HTR7: variants seen among roughly 807,000 people sequenced by gnomAD.
HTR7 encodes 5-hydroxytryptamine receptor 7.
HTR7 carries 16 observed loss-of-function variants against 34.0 expected under a neutral mutation model. The ratio of observed to expected loss-of-function variants is 0.47; its 90% CI spans 0.32 to 0.71. The LOEUF (loss-of-function observed/expected upper bound fraction) is 0.71, where lower values mean the gene tolerates loss of function less well. Ranked by LOEUF, HTR7 falls within the 30% of genes least tolerant of loss-of-function variation. The probability of loss-of-function intolerance (pLI) is 0.04; values close to 1 mark genes in which losing one functional copy is unlikely to be tolerated. For missense variants in HTR7, 504 were observed against 625.5 expected (o/e 0.81, Z 2.07); for synonymous variants, 265 against 260.2 (o/e 1.02, Z -0.18).
intron 1 of HTR7, among the ~76,000 whole-genome samples, chr10:90,843,069 G>A (rs1256544346): frequency 2.0e-5 from 3 of 152,114 alleles, no homozygotes; most frequent in African/African-American, 7.2e-5. Context: ...GGCCACATGT[G>A]TGGATTTGAG....
chr10:90,836,526 A>G (rs1846255079), intron 1 of HTR7, among the ~76,000 whole-genome samples: 1 of 151,926 alleles, frequency 6.6e-6, no homozygotes, highest in Admixed American at 6.6e-5. Context: ...TTTTTTTAAA[A>G]TTTGAGACAG....
At chr10:90,752,290 T>C (rs2119687136) in intron 1 of HTR7, among the ~76,000 whole-genome samples, 1 of 152,190 alleles carries the variant, frequency 6.6e-6, no homozygotes. Flanking sequence ...GAAAATAGTG[T>C]GGAGATGATG....
chr10:90,853,033 C>CA (rs1450782289), intron 1 of HTR7, among the ~76,000 whole-genome samples: 9 of 152,092 alleles, frequency 5.9e-5, no homozygotes, highest in African/African-American at 2.2e-4. Flanking sequence ...AAAAGTTATA[C>CA]AAAGGATAAT....
chr10:90,749,563 G>A lies in HTR7; in HGVS notation c.571C>T (p.Pro191Ser). The A allele has an allele frequency of 6.2e-7, 1 of 1,612,932 alleles. No individual in the cohort carries two copies. The highest frequency in any genetic ancestry group is 8.5e-7 in the Non-Finnish European group (1 of 1,179,244). ...YLGITRPLTY[P>S]VRQNGKCMAK... ...ATGCATTTCCCATTCTGCCTCACAG[G>A]GTATGTGAGGGGCCTTGTGATCCCA... is the stretch of plus-strand genomic sequence containing the variant. Residue 191 changes from proline (P) to serine (S), a missense_variant, in exon 2 of 4, where the codon CCT (proline) becomes TCT (serine). Physicochemically the swap from Pro to Ser is moderately conservative, Grantham distance 74 (BLOSUM62 -1). Transcript: ENST00000336152. This position sits in a 1 kb window ranked among gnomAD's most constrained non-coding sequence, Gnocchi z 4.2.
chr10:90,853,286 T>C (rs1298926101), intron 1 of HTR7, among the ~76,000 whole-genome samples: 4 of 138,294 alleles, frequency 2.9e-5, no homozygotes, highest in Non-Finnish European at 3.0e-5. Flanking sequence ...CTTTTTTTTT[T>C]CTTTTTTTTT....
intron 1 of HTR7, among the ~76,000 whole-genome samples, chr10:90,846,282 G>A (rs1303126186): frequency 6.6e-6 from 1 of 152,152 alleles, no homozygotes; most frequent in Non-Finnish European, 1.5e-5. Context: ...CCCATCACAT[G>A]AGGTCAGGTG....
chr10:90,791,664 C>T (rs1032048029), intron 1 of HTR7, among the ~76,000 whole-genome samples: 1 of 151,968 alleles, frequency 6.6e-6, no homozygotes, highest in Non-Finnish European at 1.5e-5. Context: ...TCAAATGAGC[C>T]CAGAGAAGAA....
In HTR7 at chr10:90,741,442, C is replaced by A. The variant is rs1844541394; in HGVS notation, c.*1040G>T. The A allele has an allele frequency of 6.6e-6, 1 of 152,222 alleles. No homozygotes were observed. Among genetic ancestry groups the A allele is most frequent in the Non-Finnish European group, 1.5e-5 (1 of 68,024 alleles). The allele number at this position is 152,222 out of a possible 1,614,324, so 9.4% of individuals were successfully genotyped here. ...GATACATAGAACACAAAAACAAATTCTCTAGAAGGAACAGACTGGTGTTCT... is the reference window on the plus strand; with the variant it reads ...GATACATAGAACACAAAAACAAATTATCTAGAAGGAACAGACTGGTGTTCT... On this transcript the variant is annotated 3_prime_UTR_variant, in exon 4 of 4. Coordinates refer to ENST00000336152, the MANE Select transcript of HTR7 (RefSeq NM_019859.4).
chr10:90,794,915 TACAA>T, intron 1 of HTR7, among the ~76,000 whole-genome samples: 1 of 152,362 alleles, frequency 6.6e-6, no homozygotes, highest in East Asian at 1.9e-4. Flanking sequence ...TAAAGATGGC[TACAA>T]CATCAGAAAT....
intron 1 of HTR7, among the ~76,000 whole-genome samples, chr10:90,837,307 A>G (rs576791375): frequency 3.2e-4 from 48 of 152,336 alleles, no homozygotes; most frequent in Non-Finnish European, 6.2e-4. Context: ...GTTGAAGTGA[A>G]TAAGGACCTC....
rs1846598688 is a variant in HTR7, at chr10:90,857,300, C to A, written c.372G>T (p.Ala124=). The part of the protein sequence containing the change: ...QPSNYLIVSL[A]LADLSVAVAV... ...CCACAGCCACCGAGAGGTCGGCCAG[C>A]GCCAGGGACACGATCAGGTAGTTGG... The change falls in exon 1 of 4, where the codon GCG becomes GCT. Residue 124 remains alanine (A), a synonymous_variant. Transcript: ENST00000336152. The surrounding 1 kb of genome is among the most constrained non-coding windows in gnomAD (Gnocchi z 6.5). 3.1e-6 allele frequency: 5 copies of A among 1,614,054 alleles called. No individual in the cohort carries two copies. In the African/African-American group the frequency reaches 6.7e-5, roughly 22 times the overall value.
intron 2 of HTR7, among the ~76,000 whole-genome samples, chr10:90,747,309 T>C (rs1442747626): frequency 6.6e-6 from 1 of 152,226 alleles, no homozygotes. Context: ...TTGTTCCTTC[T>C]CTGAAGGAAT....
chr10:90,827,233 A>G (rs1185255850), intron 1 of HTR7, among the ~76,000 whole-genome samples: 1 of 152,116 alleles, frequency 6.6e-6, no homozygotes, highest in Admixed American at 6.5e-5. Context: ...ATGTAAATGG[A>G]CTAAACTCTC....
rs559805466 is a variant in HTR7, at chr10:90,849,616, G to A, written c.539+7517C>T. On this transcript the variant is annotated intron_variant, in intron 1 of 3. Coordinates refer to ENST00000336152, the MANE Select transcript of HTR7 (RefSeq NM_019859.4). ...GGGACAAACCAAGGACCTCCTACAT[G>A]TGCTAAAGAGTGAATTTTATTCCAA... is the stretch of plus-strand genomic sequence containing the variant. Among the ~76,000 whole-genome samples the A allele has an allele frequency of 2.6e-5, 4 of 152,258 alleles. No homozygotes were observed. In the South Asian group the frequency reaches 8.3e-4, roughly 32 times the overall value.
intron 1 of HTR7, among the ~76,000 whole-genome samples, chr10:90,792,908 G>A (rs901724434): frequency 1.3e-5 from 2 of 151,602 alleles, no homozygotes; most frequent in African/African-American, 4.9e-5. Flanking sequence ...CAAAAAAAAT[G>A]AACTGAAGAC....
chr10:90,785,749 G>T (rs930536838), intron 1 of HTR7, among the ~76,000 whole-genome samples: 1 of 152,120 alleles, frequency 6.6e-6, no homozygotes, highest in Admixed American at 6.5e-5. Flanking sequence ...CTTTACTTTA[G>T]TCCTCAAAAC....
At chr10:90,827,922 T>A (rs139298149) in intron 1 of HTR7, among the ~76,000 whole-genome samples, 106 of 152,276 alleles carry the variant, frequency 7.0e-4, no homozygotes, top group Non-Finnish European at 1.1e-3. Context: ...AACACAATCT[T>A]CTCAGCACAT....
intron 2 of HTR7, among the ~76,000 whole-genome samples, chr10:90,747,613 T>C (rs1288048793): frequency 3.3e-5 from 5 of 152,170 alleles, no homozygotes; most frequent in South Asian, 4.1e-4. Flanking sequence ...AATCTAGACT[T>C]AGTTGTGACA....
chr10:90,853,167 C>A (rs1846524997), intron 1 of HTR7, among the ~76,000 whole-genome samples: 1 of 152,060 alleles, frequency 6.6e-6, no homozygotes, highest in East Asian at 1.9e-4. Context: ...TTGGCGTCAA[C>A]CACTCCCTTG....
Sources: gnomAD v4.1 joint callset for allele counts (sites outside exome capture counted in the v4.1 genomes callset) on GRCh38, gnomAD v4.1.1 for gene constraint, Gnocchi (gnomAD v3.1) non-coding constraint, MANE v1.5 for transcripts, NCBI Gene and HGNC (gene_info 2026-07-23, HGNC 2026-07-21) for gene names.